The following DCLRE1C variants were observed in gnomAD, a reference collection of about 807,000 sequenced individuals.
The protein encoded by DCLRE1C is DNA cross-link repair 1C, also known as protein artemis.
A neutral mutation model predicts 61.4 loss-of-function variants in DCLRE1C; 47 were observed. The observed-to-expected ratio is 0.77, with a 90% CI of 0.61 to 0.98. The LOEUF (loss-of-function observed/expected upper bound fraction) is 0.98. DCLRE1C is among the 50% of genes least tolerant of loss of function. The probability of loss-of-function intolerance (pLI) is 0.00; values close to 1 mark genes in which losing one functional copy is unlikely to be tolerated. For missense variants in DCLRE1C, 858 were observed against 816.0 expected, an observed-to-expected ratio of 1.05 and a Z score of -0.63; for synonymous variants, 337 against 287.6, an observed-to-expected ratio of 1.17 and a Z score of -1.74.
At chr10:14,925,733 G>A (rs374058131) in intron 11 of DCLRE1C, among the ~76,000 whole-genome samples, 2 of 152,172 alleles carry the variant, frequency 1.3e-5, no homozygotes, top group Non-Finnish European at 2.9e-5. Context: ...TAGGACTTCA[G>A]TATTATGACT....
chr10:14,913,491 G>T (rs1835644730), intron 13 of DCLRE1C, among the ~76,000 whole-genome samples: 1 of 152,178 alleles, frequency 6.6e-6, no homozygotes, highest in Non-Finnish European at 1.5e-5. Context: ...ACTGGGAGAA[G>T]AGGAATGGAA....
chr10:14,916,473 CCTT>C (rs1836211060), intron 13 of DCLRE1C, among the ~76,000 whole-genome samples: 1 of 152,156 alleles, frequency 6.6e-6, no homozygotes, highest in South Asian at 2.1e-4. Flanking sequence ...CAAAGGAAAT[CCTT>C]ATTGCAGCAT....
At chr10:14,944,676 T>G (rs1372277467) in intron 3 of DCLRE1C, among the ~76,000 whole-genome samples, 2 of 144,196 alleles carry the variant, frequency 1.4e-5, no homozygotes, top group Admixed American at 1.4e-4. Context: ...TTTTTTTCTT[T>G]TTTTTTTTTT....
At chr10:14,928,850 T>C (rs41297984) in intron 9 of DCLRE1C, among the ~76,000 whole-genome samples, 2 of 150,784 alleles carry the variant, frequency 1.3e-5, no homozygotes, top group African/African-American at 2.4e-5. Flanking sequence ...TGGTACCATC[T>C]CAACTCACTA....
chr10:14,935,606 A>C (rs1422102728), intron 5 of DCLRE1C, 42 bp from the exon 6 acceptor site: 1 of 1,579,582 alleles, frequency 6.3e-7, no homozygotes, highest in South Asian at 1.1e-5. Flanking sequence ...AGTCTCATAT[A>C]AACTCCCAAT....
Position 14,908,433 on chromosome 10 carries a change from C to T in DCLRE1C, c.2054G>A (p.Arg685Lys). Reference sequence around the variant, plus strand: ...TTAGGTATCTAAGAGTGAGCATTTTCTTTTTTTGACTGCTATACTCTCACC... The same window carrying T: ...TTAGGTATCTAAGAGTGAGCATTTTTTTTTTTTGACTGCTATACTCTCACC... ...ATGESIAVKK[R>K]KCSLLDT Residue 685 changes from arginine to lysine, a missense_variant, in exon 14 of 14, where the codon AGA (arginine) becomes AAA (lysine). By Grantham distance (26) the Arg-to-Lys change is conservative. Coordinates refer to ENST00000378278, the MANE Select transcript of DCLRE1C (RefSeq NM_001033855.3). The T allele has an allele frequency of 1.2e-6, 2 of 1,613,712 alleles. No homozygotes were observed. The highest frequency in any genetic ancestry group is 1.7e-4 in the Middle Eastern group (1 of 6,060).
At position 14,906,104 on chromosome 10, in the gene DCLRE1C, A is replaced by G. The variant is rs1834371950; in HGVS notation, c.*2304T>C. Among the ~76,000 whole-genome samples, 1 of 152,264 alleles carries G rather than the reference A, an allele frequency of 6.6e-6. No homozygotes were observed. The highest frequency in any genetic ancestry group is 6.5e-5 in the Admixed American group (1 of 15,288). ...TACTTTTTTGGAGAGACATCAGAGC[A>G]TAGCAGTTAAGATCATGGTCTCTGA... On this transcript the variant is annotated 3_prime_UTR_variant, in exon 14 of 14. Coordinates refer to ENST00000378278, the MANE Select transcript of DCLRE1C (RefSeq NM_001033855.3).
In DCLRE1C at chr10:14,908,843, A is replaced by C. The variant is rs1834766355; in HGVS notation, c.1644T>G (p.Ser548Arg). ...SQSTHITEQGSQGWDSQSDTV... is the reference protein window; with the variant it reads ...SQSTHITEQGRQGWDSQSDTV... ...TATCAGATTGGCTGTCCCAGCCTTGACTTCCTTGTTCTGTTATGTGTGTTG... is the reference window on the plus strand; with the variant it reads ...TATCAGATTGGCTGTCCCAGCCTTGCCTTCCTTGTTCTGTTATGTGTGTTG... The change falls in exon 14 of 14, where the codon AGT (serine) becomes AGG (arginine). Residue 548 changes from serine to arginine, a missense_variant. Coordinates refer to ENST00000378278, the MANE Select transcript of DCLRE1C (RefSeq NM_001033855.3). 5.0e-6 allele frequency: 8 copies of C among 1,614,154 alleles called. No homozygotes were observed. The highest frequency in any genetic ancestry group is 6.8e-6 in the Non-Finnish European group (8 of 1,180,026).
chr10:14,935,634 G>A, intron 5 of DCLRE1C, 70 bp from the exon 6 acceptor site: 1 of 1,399,508 alleles, frequency 7.1e-7, no homozygotes, highest in Admixed American at 1.7e-5. Flanking sequence ...ATACATGTGA[G>A]CTGCATACTA....
At chr10:14,946,767 C>T (rs1841760441) in intron 2 of DCLRE1C, among the ~76,000 whole-genome samples, 1 of 152,044 alleles carries the variant, frequency 6.6e-6, no homozygotes, top group South Asian at 2.1e-4. Flanking sequence ...ACAGCACATG[C>T]CACCACACCT....
At chr10:14,929,188 T>C (rs891448475) in intron 9 of DCLRE1C, among the ~76,000 whole-genome samples, 1 of 152,128 alleles carries the variant, frequency 6.6e-6, no homozygotes, top group Non-Finnish European at 1.5e-5. Flanking sequence ...GTGGATCACT[T>C]GAGGTCAGGA....
rs2131742852 is a variant in DCLRE1C at position 14,905,759 on chromosome 10, T to G, written c.*2649A>C. Among the ~76,000 whole-genome samples, 1 of 152,106 alleles carries G rather than the reference T, an allele frequency of 6.6e-6. No individual in the cohort carries two copies. The highest frequency in any genetic ancestry group is 1.9e-4 in the East Asian group (1 of 5,164). The stretch of plus-strand genomic sequence containing the variant: ...CAGCACTTTGGGAGGCCGAGGCGAG[T>G]GGATCACCAGAGGTCAGGAGTTCAA... On this transcript the variant is annotated 3_prime_UTR_variant, in exon 14 of 14. Transcript: ENST00000378278.
chr10:14,938,752 C>T (rs1216310313), intron 4 of DCLRE1C, among the ~76,000 whole-genome samples: 2 of 152,126 alleles, frequency 1.3e-5, no homozygotes, highest in African/African-American at 4.8e-5. Context: ...TCATGAATTA[C>T]CTGCAAAAAT....
intron 13 of DCLRE1C, 138 bp downstream of exon 13, chr10:14,919,600 T>A (rs183272682): frequency 1.2e-5 from 9 of 734,364 alleles, no homozygotes; most frequent in Non-Finnish European, 2.2e-5. Context: ...AAGTACTTCC[T>A]GAGACCATGT....
intron 4 of DCLRE1C, among the ~76,000 whole-genome samples, chr10:14,937,618 C>T (rs963410304): frequency 1.3e-5 from 2 of 151,468 alleles, no homozygotes; most frequent in East Asian, 2.0e-4. Context: ...GAGCCAGGTG[C>T]GGTGGCTCAT....
rs1389842497 is a variant in DCLRE1C, at chr10:14,932,926, C to A, written c.708G>T (p.Arg236Ser). The A allele has an allele frequency of 6.2e-7, 1 of 1,614,020 alleles. No individual in the cohort carries two copies. The highest frequency in any genetic ancestry group is 1.3e-5 in the African/African-American group (1 of 74,894). ...GATGATGAAGGATCTCAGGCATGTT[C>A]CTAAACATGTCTAGCTTATTCACAT... ...QVHVNKLDMF[R>S]NMPEILHHLT... Residue 236 changes from arginine to serine, a missense_variant, in exon 9 of 14, where the codon AGG becomes AGT. Physicochemically the swap from Arg to Ser is moderately radical, Grantham distance 110. Around this residue, in one of 2 missense-constraint regions of DCLRE1C, gnomAD observed 843 missense variants for 783.5 expected, o/e 1.08. Transcript: ENST00000378278.
intron 8 of DCLRE1C, among the ~76,000 whole-genome samples, chr10:14,933,313 G>C (rs1398201438): frequency 6.6e-6 from 1 of 152,202 alleles, no homozygotes; most frequent in East Asian, 1.9e-4. Flanking sequence ...GAATAAAGCA[G>C]TAATCCACAC....
intron 9 of DCLRE1C, among the ~76,000 whole-genome samples, chr10:14,928,425 T>C (rs1838390779): frequency 6.6e-6 from 1 of 152,182 alleles, no homozygotes; most frequent in Non-Finnish European, 1.5e-5. Context: ...GGAGACCCTT[T>C]AGACCTGACT....
At chr10:14,952,313 A>G (rs528366701) in intron 1 of DCLRE1C, among the ~76,000 whole-genome samples, 9 of 152,308 alleles carry the variant, frequency 5.9e-5, no homozygotes, top group African/African-American at 1.9e-4. Context: ...TGTGTCAGGC[A>G]CAGCGGCTCA....
Sources: allele counts gnomAD v4.1 joint callset (sites outside exome capture counted in the v4.1 genomes callset), GRCh38; gene constraint gnomAD v4.1.1; regional missense constraint gnomAD v4.1.1; transcripts MANE v1.5; gene names NCBI Gene and HGNC (gene_info 2026-07-23, HGNC 2026-07-21).